The following MAP3K19 variants were observed in gnomAD, a reference collection of about 807,000 sequenced individuals.
MAP3K19 encodes the protein SPS1/STE20-related protein kinase YSK4.
MAP3K19 carries 91 observed loss-of-function variants against 114.4 expected under a neutral mutation model. The observed-to-expected ratio is 0.80, with a 90% CI of 0.67 to 0.95. MAP3K19 has a LOEUF of 0.95. Among genes scored for constraint, MAP3K19 ranks in the 40% least tolerant of loss-of-function variants. MAP3K19 has a pLI of 0.00. For missense variants in MAP3K19, 1,471 were observed against 1,573.2 expected (o/e 0.94, Z 1.10); for synonymous variants, 518 against 530.5 (o/e 0.98, Z 0.32).
At chr2:134,978,708 T>C (rs951403768) in intron 12 of MAP3K19, among the ~76,000 whole-genome samples, 1 of 152,184 alleles carries the variant, frequency 6.6e-6, no homozygotes, top group Non-Finnish European at 1.5e-5. Flanking sequence ...ATTCACCTTT[T>C]CTCTGAAATT....
intron 8 of MAP3K19, among the ~76,000 whole-genome samples, chr2:134,994,100 C>T (rs2105269263): frequency 6.6e-6 from 1 of 152,266 alleles, no homozygotes; most frequent in Non-Finnish European, 1.5e-5. Context: ...CTCCACAAAT[C>T]ACACTAAAAT....
At chr2:135,039,111 T>C (rs1372909855) in intron 2 of MAP3K19, among the ~76,000 whole-genome samples, 1 of 143,292 alleles carries the variant, frequency 7.0e-6, no homozygotes, top group Non-Finnish European at 1.5e-5. Flanking sequence ...GCTTGTTTCA[T>C]TAATTTTCTT....
chr2:135,008,312 G>A (rs568235899), intron 5 of MAP3K19, among the ~76,000 whole-genome samples: 125 of 152,116 alleles, frequency 8.2e-4, no homozygotes, highest in African/African-American at 2.6e-3. Context: ...TAGTAGAGAC[G>A]AGGTTTCACC....
At chr2:134,968,634 GGGGCGGCC>G (rs1683601714) in intron 12 of MAP3K19, among the ~76,000 whole-genome samples, 6 of 150,258 alleles carry the variant, frequency 4.0e-5, no homozygotes, top group East Asian at 2.0e-4. Flanking sequence ...CTTCTCAGAC[GGGGCGGCC>G]GGGCAGAGAC....
rs1022209095 is a variant in MAP3K19 at position 135,035,813 on chromosome 2, T to A, written c.-284+4550A>T. Among the ~76,000 whole-genome samples the A allele has an allele frequency of 1.1e-4, 16 of 152,262 alleles. No individual in the cohort carries two copies. The South Asian group carries it at 2.9e-3, about 28-fold the overall frequency. ...CTCCCTCTGCAAGATCAAGTCACCT[T>A]TCTATACTTCAAAAATGCAAGATTT... On this transcript the variant is annotated intron_variant, in intron 2 of 12. Transcript: ENST00000392915.
chr2:134,970,257 C>T (rs1331011273), intron 12 of MAP3K19, among the ~76,000 whole-genome samples: 1 of 152,060 alleles, frequency 6.6e-6, no homozygotes, highest in Admixed American at 6.6e-5. Flanking sequence ...GACCCATGAG[C>T]ATTTGTTTGT....
At chr2:135,012,825 T>G (rs1687322516) in intron 5 of MAP3K19, among the ~76,000 whole-genome samples, 1 of 152,228 alleles carries the variant, frequency 6.6e-6, no homozygotes, top group African/African-American at 2.4e-5. Flanking sequence ...AAATCAATAG[T>G]CAATGGCTAA....
Position 134,988,228 on chromosome 2 carries a change from A to C in MAP3K19, c.644T>G (p.Leu215Trp). The C allele has an allele frequency of 6.3e-7, 1 of 1,584,618 alleles. No individual in the cohort carries two copies. ...AGTAAGGACACCAGATCGCGTGGGC[A>C]AGAGTGACAGTGGTGGCAGAAGGAA... ...IKFLLPPLSL[L>W]PTRSGVLTIP... Residue 215 changes from leucine to tryptophan, a missense_variant, in exon 10 of 13, where the codon TTG becomes TGG. Transcript: ENST00000392915.
In MAP3K19 at chr2:134,980,952, C is replaced by T. The variant is rs1466395042; in HGVS notation, c.3789G>A (p.Gly1263=). ...TGTCCATGGAAGCCAGTGGAGGCTT[C>T]CCTGTAGCCATCTCAAACACAGTAC... ...IGCTVFEMAT[G]KPPLASMDRM... is the part of the protein sequence containing the mutation. Residue 1263 remains glycine, a synonymous_variant, in exon 12 of 13, where the codon GGG becomes GGA. Coordinates refer to ENST00000392915, the MANE Select transcript of MAP3K19 (RefSeq NM_025052.5). The T allele has an allele frequency of 3.1e-6, 5 of 1,614,212 alleles. No homozygotes were observed. The highest frequency in any genetic ancestry group is 1.7e-6 in the Non-Finnish European group (2 of 1,180,042).
intron 2 of MAP3K19, among the ~76,000 whole-genome samples, chr2:135,034,451 G>C (rs1688478118): frequency 7.9e-6 from 1 of 126,892 alleles, no homozygotes; most frequent in South Asian, 3.0e-4. Flanking sequence ...GGAGGCCAAG[G>C]CAGGCGGCTG....
chr2:135,001,327 C>G (rs1381683476), intron 6 of MAP3K19, among the ~76,000 whole-genome samples: 1 of 152,152 alleles, frequency 6.6e-6, no homozygotes, highest in African/African-American at 2.4e-5. Flanking sequence ...GCATGGAACA[C>G]TTGTCTAAAA....
chr2:135,019,859 T>C (rs1242863655), intron 5 of MAP3K19, among the ~76,000 whole-genome samples: 1 of 152,168 alleles, frequency 6.6e-6, no homozygotes, highest in African/African-American at 2.4e-5. Flanking sequence ...CGGTTTTCTA[T>C]GGGCTGCAAT....
intron 3 of MAP3K19, among the ~76,000 whole-genome samples, chr2:135,026,472 A>G (rs1688257794): frequency 6.6e-6 from 1 of 151,648 alleles, no homozygotes; most frequent in Non-Finnish European, 1.5e-5. Context: ...TGTATTCTTG[A>G]CTATAATTTT....
intron 12 of MAP3K19, among the ~76,000 whole-genome samples, chr2:134,972,171 T>C (rs1683925942): frequency 6.6e-6 from 1 of 152,150 alleles, no homozygotes; most frequent in Non-Finnish European, 1.5e-5. Context: ...TGATGTTCTA[T>C]CAAATGGTAG....
chr2:134,994,935 A>G (rs1012831909), intron 8 of MAP3K19, among the ~76,000 whole-genome samples: 1 of 152,242 alleles, frequency 6.6e-6, no homozygotes, highest in Non-Finnish European at 1.5e-5. Context: ...ATTAGAGACA[A>G]CAAACAACTC....
At chr2:134,990,700 C>T (rs1280636011) in intron 9 of MAP3K19, among the ~76,000 whole-genome samples, 2 of 152,090 alleles carry the variant, frequency 1.3e-5, no homozygotes, top group Admixed American at 6.5e-5. Context: ...TGGTTTCGAT[C>T]TCTTATCCTC....
intron 12 of MAP3K19, among the ~76,000 whole-genome samples, chr2:134,979,908 T>A (rs1013783440): frequency 1.1e-4 from 17 of 152,156 alleles, no homozygotes; most frequent in African/African-American, 4.1e-4. Context: ...TAAGATTTAT[T>A]CAGAAAGGCA....
intron 5 of MAP3K19, among the ~76,000 whole-genome samples, chr2:135,014,596 A>G (rs1443828290): frequency 2.0e-5 from 3 of 152,196 alleles, no homozygotes. Context: ...ACATTCAGAA[A>G]AGTTCACTTA....
intron 9 of MAP3K19, among the ~76,000 whole-genome samples, chr2:134,991,009 C>G (rs1685528663): frequency 6.6e-6 from 1 of 151,878 alleles, no homozygotes; most frequent in African/African-American, 2.4e-5. Context: ...ACGTGGCCAA[C>G]ATAGCGAGAC....
Sources: allele counts gnomAD v4.1 joint callset (sites outside exome capture counted in the v4.1 genomes callset), GRCh38; gene constraint gnomAD v4.1.1; transcripts MANE v1.5; gene names NCBI Gene and HGNC (gene_info 2026-07-23, HGNC 2026-07-21).